Variants in CAPZA1 observed in about 807,000 individuals in gnomAD.
CAPZA1 encodes the protein F-actin-capping protein subunit alpha-1.
A neutral mutation model predicts 40.8 loss-of-function variants in CAPZA1; 10 were observed. That is an observed-to-expected ratio of 0.25 (90% CI 0.15 to 0.42). The LOEUF is 0.42. CAPZA1 is among the 10% of genes least tolerant of loss of function. The pLI, the probability that CAPZA1 is intolerant of heterozygous loss-of-function variation, is 1.00. For missense variants in CAPZA1, 277 were observed against 353.8 expected (o/e 0.78, Z 1.74); for synonymous variants, 98 against 115.0 (o/e 0.85, Z 0.95).
chr1:112,653,557 C>CTTTTT, intron 3 of CAPZA1, 41 bp from the exon 4 acceptor site: 10 of 817,112 alleles, frequency 1.2e-5, no homozygotes, highest in Non-Finnish European at 1.8e-5. Context: ...CTCTCTCCCT[C>CTTTTT]TTTTTTTTTT....
chr1:112,642,676 C>G (rs1349736824), intron 1 of CAPZA1, among the ~76,000 whole-genome samples: 1 of 152,138 alleles, frequency 6.6e-6, no homozygotes, highest in Non-Finnish European at 1.5e-5. Context: ...ATTGATACTT[C>G]TCTTCCTAGT....
At chr1:112,634,149 T>G (rs1670975000) in intron 1 of CAPZA1, among the ~76,000 whole-genome samples, 1 of 152,210 alleles carries the variant, frequency 6.6e-6, no homozygotes, top group Non-Finnish European at 1.5e-5. Flanking sequence ...CATTGAATTC[T>G]GTGCAAGCAG....
chr1:112,636,215 A>C (rs1671015649), intron 1 of CAPZA1, among the ~76,000 whole-genome samples: 1 of 152,190 alleles, frequency 6.6e-6, no homozygotes, highest in Admixed American at 6.5e-5. Flanking sequence ...AGGGAAAATG[A>C]AACTTAGGAC....
At chr1:112,657,669 G>T (rs956730584) in intron 5 of CAPZA1, among the ~76,000 whole-genome samples, 3 of 151,850 alleles carry the variant, frequency 2.0e-5, no homozygotes, top group African/African-American at 7.3e-5. Context: ...TCAGCTCACT[G>T]CAACCTCCGC....
intron 1 of CAPZA1, among the ~76,000 whole-genome samples, chr1:112,623,250 G>A (rs1401535047): frequency 6.6e-6 from 1 of 152,162 alleles, no homozygotes; most frequent in African/African-American, 2.4e-5. Context: ...AGTTACCATT[G>A]TAGGATAAAG....
intron 1 of CAPZA1, among the ~76,000 whole-genome samples, chr1:112,643,354 T>C (rs1671214471): frequency 6.6e-6 from 1 of 152,152 alleles, no homozygotes; most frequent in Admixed American, 6.5e-5. Flanking sequence ...TCTCCACCAG[T>C]TTTCATCCCA....
At position 112,653,680 on chromosome 1, in the gene CAPZA1, A is replaced by G; in HGVS notation, c.219+19A>G. On this transcript the variant is annotated intron_variant, in intron 4 of 9. Transcript: ENST00000263168. ...AGATCAGGTAATAATTGCCTTTTAGACAGGCTATGCCTGGCAGATAGTAGA... is the reference window on the plus strand; with the variant it reads ...AGATCAGGTAATAATTGCCTTTTAGGCAGGCTATGCCTGGCAGATAGTAGA... 6.5e-7 allele frequency: 1 copy of G among 1,540,234 alleles called. No homozygotes were observed. Among genetic ancestry groups the G allele is most frequent in the Non-Finnish European group, 8.9e-7 (1 of 1,119,026 alleles).
rs1015219666 is a variant in CAPZA1, at chr1:112,638,475, C to T, written c.40-8735C>T. On this transcript the variant is annotated intron_variant, in intron 1 of 9. Transcript: ENST00000263168. ...GATTACAGGTGCCCACCACTACGCC[C>T]GGCTAGTGTTTATATTTTTAGTAGA... Among the ~76,000 whole-genome samples the T allele has an allele frequency of 1.2e-4, 19 of 152,036 alleles. No individual in the cohort carries two copies. The East Asian group carries it at 3.3e-3, about 26-fold the overall frequency.
At chr1:112,621,791 TC>T (rs1670677705) in intron 1 of CAPZA1, among the ~76,000 whole-genome samples, 1 of 143,426 alleles carries the variant, frequency 7.0e-6, no homozygotes, top group African/African-American at 2.6e-5. Flanking sequence ...AGATGGAGTC[TC>T]GCTCTGTCAC....
intron 7 of CAPZA1, among the ~76,000 whole-genome samples, chr1:112,666,168 C>T (rs532934836): frequency 3.3e-5 from 5 of 152,308 alleles, no homozygotes; most frequent in South Asian, 4.1e-4. Context: ...CACTTCATAG[C>T]AATGTCTCCT....
intron 1 of CAPZA1, among the ~76,000 whole-genome samples, chr1:112,642,116 C>A (rs1557730933): frequency 1.3e-5 from 2 of 150,320 alleles, no homozygotes; most frequent in African/African-American, 4.9e-5. Context: ...TATATTGTTT[C>A]CTGTACTCGG....
chr1:112,625,057 T>C (rs1386680828), intron 1 of CAPZA1, among the ~76,000 whole-genome samples: 1 of 152,148 alleles, frequency 6.6e-6, no homozygotes, highest in Non-Finnish European at 1.5e-5. Flanking sequence ...ATCTCTCCAG[T>C]TCACACCCCT....
chr1:112,641,579 A>G (rs924695779), intron 1 of CAPZA1, among the ~76,000 whole-genome samples: 4 of 152,022 alleles, frequency 2.6e-5, no homozygotes, highest in Non-Finnish European at 5.9e-5. Context: ...TATGTGGCTT[A>G]TATCTGTTAA....
intron 5 of CAPZA1, among the ~76,000 whole-genome samples, chr1:112,657,982 C>G (rs1255912034): frequency 2.0e-5 from 3 of 152,134 alleles, no homozygotes; most frequent in South Asian, 2.1e-4. Context: ...TCATTTAATG[C>G]AGGTAAAGTA....
chr1:112,666,816 ATG>A (rs1671732052), intron 7 of CAPZA1: 6 of 423,728 alleles, frequency 1.4e-5, no homozygotes, highest in Non-Finnish European at 2.5e-5. Flanking sequence ...AGTGCTTAGA[ATG>A]TGAAAAGCAT....
At chr1:112,650,266 C>T (rs1027276026) in intron 3 of CAPZA1, among the ~76,000 whole-genome samples, 1 of 152,096 alleles carries the variant, frequency 6.6e-6, no homozygotes, top group African/African-American at 2.4e-5. Flanking sequence ...AGATTTTAGC[C>T]ATAGAAAACA....
intron 1 of CAPZA1, chr1:112,634,922 A>AT (rs567940270): frequency 2.0e-5 from 3 of 152,328 alleles, no homozygotes; most frequent in Admixed American, 2.0e-4. Context: ...ATAGTACCTC[A>AT]TAATAATCTT....
chr1:112,643,230 G>T (rs1378386224), intron 1 of CAPZA1, among the ~76,000 whole-genome samples: 1 of 152,132 alleles, frequency 6.6e-6, no homozygotes, highest in African/African-American at 2.4e-5. Context: ...TTATTGTAAC[G>T]GTTAGTCCTA....
At chr1:112,656,377 C>G (rs1301259566) in intron 5 of CAPZA1, among the ~76,000 whole-genome samples, 2 of 148,568 alleles carry the variant, frequency 1.3e-5, no homozygotes, top group Non-Finnish European at 3.0e-5. Context: ...GGAACAGTGC[C>G]TGGCACAAAG....
Sources: gnomAD v4.1 joint callset for allele counts (sites outside exome capture counted in the v4.1 genomes callset) on GRCh38, gnomAD v4.1.1 for gene constraint, MANE v1.5 for transcripts, NCBI Gene and HGNC (gene_info 2026-07-23, HGNC 2026-07-21) for gene names.